ANKRD44: variants seen among roughly 807,000 people sequenced by gnomAD.
The protein encoded by ANKRD44 is serine/threonine-protein phosphatase 6 regulatory ankyrin repeat subunit B.
In ANKRD44, 35 loss-of-function variants were observed where a neutral mutation model predicts 116.0. The ratio of observed to expected loss-of-function variants is 0.30; its 90% CI spans 0.23 to 0.40. The LOEUF (loss-of-function observed/expected upper bound fraction) is 0.40. Among genes scored for constraint, ANKRD44 ranks in the 10% least tolerant of loss-of-function variants. ANKRD44 has a pLI of 1.00. For missense variants in ANKRD44, 1,014 were observed against 1,242.6 expected, an observed-to-expected ratio of 0.82 and a Z score of 2.77; for synonymous variants, 435 against 461.8, an observed-to-expected ratio of 0.94 and a Z score of 0.74.
intron 3 of ANKRD44, among the ~76,000 whole-genome samples, chr2:197,146,269 C>T (rs777342922): frequency 3.4e-4 from 51 of 151,896 alleles, no homozygotes; most frequent in Non-Finnish European, 6.5e-4. Context: ...TATAGCCTTC[C>T]CTGAAGACAT....
At chr2:197,137,023 C>T (rs2079235283) in intron 3 of ANKRD44, among the ~76,000 whole-genome samples, 1 of 152,186 alleles carries the variant, frequency 6.6e-6, no homozygotes, top group African/African-American at 2.4e-5. Flanking sequence ...TGCCCATGCT[C>T]AGCTCTATGA....
At chr2:197,155,343 C>A in intron 2 of ANKRD44, among the ~76,000 whole-genome samples, 1 of 152,104 alleles carries the variant, frequency 6.6e-6, no homozygotes, top group South Asian at 2.1e-4. Flanking sequence ...CCATTGTTCA[C>A]GCTCTTGCTG....
At chr2:197,079,656 T>C (rs1328053128) in intron 15 of ANKRD44, among the ~76,000 whole-genome samples, 1 of 152,240 alleles carries the variant, frequency 6.6e-6, no homozygotes, top group Non-Finnish European at 1.5e-5. Context: ...AGCATCAGCA[T>C]TATCCCTGTG....
At chr2:197,263,558 A>C in intron 1 of ANKRD44, 1 of 287,286 alleles carries the variant, frequency 3.5e-6, no homozygotes. Context: ...CACCTCCCAT[A>C]TTTCTTTCTC....
chr2:197,273,365 C>A (rs1395375169), intron 1 of ANKRD44, among the ~76,000 whole-genome samples: 2 of 152,134 alleles, frequency 1.3e-5, no homozygotes, highest in African/African-American at 2.4e-5. Context: ...AAGAAAGATG[C>A]AAAAGGTCAA....
intron 4 of ANKRD44, among the ~76,000 whole-genome samples, chr2:197,131,568 A>G (rs765453202): frequency 9.2e-5 from 14 of 152,180 alleles, no homozygotes; most frequent in African/African-American, 2.4e-5. Flanking sequence ...CTCTAAAGAT[A>G]AGATACAACC....
chr2:197,063,314 A>G (rs1351345338), intron 16 of ANKRD44, among the ~76,000 whole-genome samples: 1 of 152,244 alleles, frequency 6.6e-6, no homozygotes, highest in African/African-American at 2.4e-5. Context: ...CGTCACCATC[A>G]TCAAAGACTA....
chr2:197,053,097 G>A (rs1329774173), intron 16 of ANKRD44, among the ~76,000 whole-genome samples: 1 of 152,160 alleles, frequency 6.6e-6, no homozygotes. Flanking sequence ...CTTGAACCCA[G>A]GAGGTGGAGG....
At chr2:197,224,961 A>G (rs1015639043) in intron 1 of ANKRD44, among the ~76,000 whole-genome samples, 3 of 152,246 alleles carry the variant, frequency 2.0e-5, no homozygotes, top group Admixed American at 6.5e-5. Context: ...ACTTCCTGTT[A>G]GGAAGAACAC....
intron 2 of ANKRD44, among the ~76,000 whole-genome samples, chr2:197,167,926 A>G (rs886151080): frequency 2.0e-5 from 3 of 152,202 alleles, no homozygotes; most frequent in African/African-American, 7.2e-5. Flanking sequence ...CTAGCATTCT[A>G]TTGGGCAGAA....
intron 2 of ANKRD44, among the ~76,000 whole-genome samples, chr2:197,174,921 C>T (rs754929314): frequency 6.6e-6 from 1 of 152,166 alleles, no homozygotes; most frequent in Non-Finnish European, 1.5e-5. Flanking sequence ...CATGCAAAAA[C>T]ATGAATGACA....
chr2:197,139,928 G>A (rs537537831), intron 3 of ANKRD44, among the ~76,000 whole-genome samples: 44 of 150,530 alleles, frequency 2.9e-4, no homozygotes, highest in African/African-American at 1.0e-3. Context: ...CACCCAGGCT[G>A]GAGTGCAGTG....
intron 1 of ANKRD44, among the ~76,000 whole-genome samples, chr2:197,303,265 A>T (rs2083967138): frequency 6.6e-6 from 1 of 152,244 alleles, no homozygotes; most frequent in Admixed American, 6.5e-5. Flanking sequence ...TGACATTGAA[A>T]TATGTGAGGA....
At position 197,208,874 on chromosome 2, in the gene ANKRD44, G is replaced by T. The variant is rs7602354; in HGVS notation, c.28-21768C>A. ...GCTTTCACATGGGTTCTAATGGTAA[G>T]CTTGGAGAAGAATAACCTGAAATCC... On this transcript the variant is annotated intron_variant, in intron 1 of 27. Coordinates refer to ENST00000282272, the MANE Select transcript of ANKRD44 (RefSeq NM_001195144.2). Among the ~76,000 whole-genome samples, 9 of 152,286 alleles carry T rather than the reference G, an allele frequency of 5.9e-5. No homozygotes were observed. The South Asian group carries it at 1.9e-3, about 32-fold the overall frequency.
chr2:197,272,478 C>T (rs574908116), intron 1 of ANKRD44, among the ~76,000 whole-genome samples: 12 of 152,064 alleles, frequency 7.9e-5, no homozygotes, highest in African/African-American at 2.4e-4. Context: ...CCTTGTGATC[C>T]GCCCGCCTTG....
chr2:197,173,915 C>T (rs1182506300), intron 2 of ANKRD44, among the ~76,000 whole-genome samples: 6 of 152,156 alleles, frequency 3.9e-5, no homozygotes, highest in Non-Finnish European at 5.9e-5. Context: ...TGTCTGTAAT[C>T]TCAGCTACTC....
chr2:197,265,772 AC>A (rs1323912993), intron 1 of ANKRD44, among the ~76,000 whole-genome samples: 1 of 152,120 alleles, frequency 6.6e-6, no homozygotes, highest in African/African-American at 2.4e-5. Context: ...CTTTCCTTTA[AC>A]ACTTGAAAAA....
At chr2:197,140,272 T>C (rs2079328926) in intron 3 of ANKRD44, among the ~76,000 whole-genome samples, 1 of 152,096 alleles carries the variant, frequency 6.6e-6, no homozygotes, top group Non-Finnish European at 1.5e-5. Flanking sequence ...TAAGATTGCT[T>C]AGTTTCCCCA....
chr2:197,206,857 A>G (rs1447315696), intron 1 of ANKRD44, among the ~76,000 whole-genome samples: 1 of 152,244 alleles, frequency 6.6e-6, no homozygotes, highest in Non-Finnish European at 1.5e-5. Flanking sequence ...ATAAATCTAA[A>G]GAGTTATTGC....
Sources: allele counts gnomAD v4.1 joint callset (sites outside exome capture counted in the v4.1 genomes callset), GRCh38; gene constraint gnomAD v4.1.1; transcripts MANE v1.5; gene names NCBI Gene and HGNC (gene_info 2026-07-23, HGNC 2026-07-21).